NEGR1: variants seen among roughly 807,000 people sequenced by gnomAD.
The protein encoded by NEGR1 is IgLON family member 4.
In NEGR1, 10 loss-of-function variants were observed where a neutral mutation model predicts 40.9. That is an observed-to-expected ratio of 0.24 (90% confidence interval 0.15 to 0.42). The LOEUF is 0.42. NEGR1 is among the 10% of genes least tolerant of loss of function. NEGR1 has a pLI of 1.00. For missense variants in NEGR1, 352 were observed against 438.9 expected, an observed-to-expected ratio of 0.80 and a Z score of 1.77; for synonymous variants, 185 against 166.8, an observed-to-expected ratio of 1.11 and a Z score of -0.84.
At chr1:72,262,055 T>C (rs984413109) in intron 1 of NEGR1, among the ~76,000 whole-genome samples, 15 of 151,998 alleles carry the variant, frequency 9.9e-5, no homozygotes, top group Admixed American at 6.6e-5. Flanking sequence ...TACAGTATCA[T>C]GAAAGAGCAT....
intron 2 of NEGR1, among the ~76,000 whole-genome samples, chr1:71,819,582 A>G (rs1193898878): frequency 6.6e-6 from 1 of 152,054 alleles, no homozygotes; most frequent in Non-Finnish European, 1.5e-5. Flanking sequence ...TTTCTATAAC[A>G]TGAAAATAAA....
At chr1:71,793,328 C>A (rs904247242) in intron 2 of NEGR1, among the ~76,000 whole-genome samples, 2 of 20,604 alleles carry the variant, frequency 9.7e-5, no homozygotes, top group East Asian at 1.4e-3. Flanking sequence ...CCAGGTTGGT[C>A]TTGAACTCCC....
chr1:71,728,098 G>A (rs1174498166), intron 3 of NEGR1, among the ~76,000 whole-genome samples: 1 of 152,132 alleles, frequency 6.6e-6, no homozygotes, highest in Admixed American at 6.6e-5. Context: ...CAACAAAAAA[G>A]AGCTTAGAAG....
intron 2 of NEGR1, among the ~76,000 whole-genome samples, chr1:71,925,129 A>T (rs1645760110): frequency 6.6e-6 from 1 of 152,228 alleles, no homozygotes; most frequent in Non-Finnish European, 1.5e-5. Flanking sequence ...CAAGAAGTTG[A>T]CTTGAGATCT....
At chr1:71,775,150 G>A (rs1194957068) in intron 3 of NEGR1, among the ~76,000 whole-genome samples, 1 of 152,112 alleles carries the variant, frequency 6.6e-6, no homozygotes, top group Non-Finnish European at 1.5e-5. Context: ...GGTTCATGCT[G>A]ACCTATCAAC....
intron 4 of NEGR1, among the ~76,000 whole-genome samples, chr1:71,621,952 G>A (rs1650623204): frequency 1.3e-5 from 2 of 151,860 alleles, no homozygotes; most frequent in Admixed American, 6.6e-5. Flanking sequence ...TAAAAGTGCA[G>A]TAAGAAGAGA....
chr1:72,174,381 G>C (rs1652084575), intron 1 of NEGR1, among the ~76,000 whole-genome samples: 1 of 152,096 alleles, frequency 6.6e-6, no homozygotes, highest in Non-Finnish European at 1.5e-5. Context: ...CTTTCTCTTG[G>C]AGTTGGAGAT....
At chr1:72,153,822 AACTC>A (rs1218764147) in intron 1 of NEGR1, among the ~76,000 whole-genome samples, 4 of 151,902 alleles carry the variant, frequency 2.6e-5, no homozygotes, top group Non-Finnish European at 5.9e-5. Flanking sequence ...AAAATCTACT[AACTC>A]ACGGTAGCAT....
chr1:71,758,744 A>G (rs1440122224), intron 3 of NEGR1, among the ~76,000 whole-genome samples: 1 of 152,186 alleles, frequency 6.6e-6, no homozygotes, highest in African/African-American at 2.4e-5. Flanking sequence ...GCTCTTCTCT[A>G]TAATTGCCAA....
In NEGR1 at chr1:71,592,921, C is replaced by G. The variant is rs369353823; in HGVS notation, c.836G>C (p.Arg279Thr). 6.2e-7 allele frequency: 1 copy of G among 1,611,998 alleles called. No individual in the cohort carries two copies. Among genetic ancestry groups the G allele is most frequent in the Non-Finnish European group, 8.5e-7 (1 of 1,178,180 alleles). Residue 279 changes from arginine to threonine, a missense_variant, in exon 6 of 7, where the codon AGA becomes ACA. Physicochemically the swap from Arg to Thr is moderately conservative, Grantham distance 71 (BLOSUM62 -1). Transcript: ENST00000357731. ...QGIIIQNFST[R>T]SILTVTNVTQ... ...CACGTTGGTAACAGTGAGAATGGAT[C>G]TTGTGCTAAAATTTTGAATAATAAT...
intron 6 of NEGR1, among the ~76,000 whole-genome samples, chr1:71,418,510 T>C (rs1266130796): frequency 6.6e-6 from 1 of 152,016 alleles, no homozygotes; most frequent in Non-Finnish European, 1.5e-5. Context: ...GTAGCTCCTC[T>C]AAGATCACAA....
intron 4 of NEGR1, among the ~76,000 whole-genome samples, chr1:71,661,780 A>G (rs1323788619): frequency 2.0e-5 from 3 of 152,162 alleles, no homozygotes; most frequent in African/African-American, 7.2e-5. Flanking sequence ...TATTTCTCCC[A>G]TTATTCTACC....
At chr1:71,874,688 T>C (rs1413950681) in intron 2 of NEGR1, among the ~76,000 whole-genome samples, 3 of 152,166 alleles carry the variant, frequency 2.0e-5, no homozygotes, top group Non-Finnish European at 4.4e-5. Flanking sequence ...GATTCTTAGA[T>C]GTGTTTAGCA....
intron 1 of NEGR1, among the ~76,000 whole-genome samples, chr1:72,019,404 A>C (rs1221089820): frequency 6.6e-6 from 1 of 152,226 alleles, no homozygotes; most frequent in African/African-American, 2.4e-5. Flanking sequence ...ACTAGAAAAT[A>C]GTGACAGAAA....
chr1:71,730,518 T>A (rs1570269143), intron 3 of NEGR1, among the ~76,000 whole-genome samples: 2 of 147,410 alleles, frequency 1.4e-5, no homozygotes, highest in South Asian at 2.1e-4. Flanking sequence ...TATATATGTT[T>A]TATATATATA....
At chr1:72,111,944 C>T (rs1334864430) in intron 1 of NEGR1, among the ~76,000 whole-genome samples, 2 of 151,728 alleles carry the variant, frequency 1.3e-5, no homozygotes, top group Non-Finnish European at 1.5e-5. Context: ...GAGCACCTTA[C>T]CATGTGCTAA....
intron 6 of NEGR1, among the ~76,000 whole-genome samples, chr1:71,541,409 C>T (rs1647699392): frequency 6.6e-6 from 1 of 151,584 alleles, no homozygotes; most frequent in South Asian, 2.1e-4. Context: ...AATAAAGAAG[C>T]TGAAAACAAG....
chr1:71,924,668 C>T (rs1279587905), intron 2 of NEGR1, among the ~76,000 whole-genome samples: 2 of 152,136 alleles, frequency 1.3e-5, no homozygotes, highest in African/African-American at 4.8e-5. Flanking sequence ...TGGCTACAGT[C>T]TTTGTAGCTA....
intron 3 of NEGR1, among the ~76,000 whole-genome samples, chr1:71,745,674 T>C (rs924292974): frequency 4.6e-5 from 7 of 152,136 alleles, no homozygotes; most frequent in Non-Finnish European, 1.0e-4. Context: ...TAACTCAAAG[T>C]GAAGGCTTAA....
Sources: gnomAD v4.1 joint callset for allele counts (sites outside exome capture counted in the v4.1 genomes callset) on GRCh38, gnomAD v4.1.1 for gene constraint, MANE v1.5 for transcripts, NCBI Gene and HGNC (gene_info 2026-07-23, HGNC 2026-07-21) for gene names.